The following MCPH1 variants were observed in gnomAD, a reference collection of about 807,000 sequenced individuals.
The protein encoded by MCPH1 is microcephalin.
MCPH1 carries 104 observed loss-of-function variants against 84.5 expected under a neutral mutation model. The ratio of observed to expected loss-of-function variants is 1.23; its 90% CI spans 1.05 to 1.45. The LOEUF (loss-of-function observed/expected upper bound fraction) is 1.45, where lower values mean the gene tolerates loss of function less well. Ranked by LOEUF, MCPH1 falls within the 40% of genes most tolerant of loss-of-function variation. The probability of loss-of-function intolerance (pLI) is 0.00; values close to 1 mark genes in which losing one functional copy is unlikely to be tolerated. For missense variants in MCPH1, 1,498 were observed against 1,005.7 expected, an observed-to-expected ratio of 1.49 and a Z score of -6.62; for synonymous variants, 514 against 366.8, an observed-to-expected ratio of 1.40 and a Z score of -4.58.
chr8:6,511,965 A>T (rs1463601746), intron 12 of MCPH1, among the ~76,000 whole-genome samples: 1 of 151,112 alleles, frequency 6.6e-6, no homozygotes, highest in African/African-American at 2.4e-5. Flanking sequence ...AAAATATTTA[A>T]CTTGGAGGTA....
intron 12 of MCPH1, among the ~76,000 whole-genome samples, chr8:6,547,810 G>A (rs1055861088): frequency 1.3e-5 from 2 of 152,112 alleles, no homozygotes; most frequent in African/African-American, 2.4e-5. Flanking sequence ...GGGGAGCACC[G>A]GAAGAAGGGA....
intron 3 of MCPH1, among the ~76,000 whole-genome samples, chr8:6,420,990 G>C (rs1306240435): frequency 1.3e-5 from 2 of 152,180 alleles, no homozygotes; most frequent in East Asian, 3.9e-4. Flanking sequence ...CGGGCATGGA[G>C]GTCTAATTTG....
At chr8:6,607,203 C>T (rs62496920) in intron 12 of MCPH1, among the ~76,000 whole-genome samples, 30,865 of 152,056 alleles carry the variant, frequency 0.2, 3,755 homozygotes, top group Non-Finnish European at 0.27. Flanking sequence ...TTTCCCAATA[C>T]TTGGAGGAAA....
chr8:6,448,274 T>A (rs1804676042), intron 8 of MCPH1, among the ~76,000 whole-genome samples: 1 of 152,190 alleles, frequency 6.6e-6, no homozygotes, highest in South Asian at 2.1e-4. Flanking sequence ...TGTGACTCTG[T>A]CAAAATCCAT....
At chr8:6,410,040 G>T (rs1272968336) in intron 2 of MCPH1, among the ~76,000 whole-genome samples, 2 of 151,972 alleles carry the variant, frequency 1.3e-5, no homozygotes, top group African/African-American at 4.8e-5. Context: ...CGCGATCTCA[G>T]CTCACTGCAA....
At chr8:6,419,178 CACACACACACGCA>C (rs1799790058) in intron 3 of MCPH1, among the ~76,000 whole-genome samples, 2 of 29,138 alleles carry the variant, frequency 6.9e-5, no homozygotes, top group Admixed American at 1.6e-3. Context: ...CACACACACA[CACACACACACGCA>C]TTTTTACCCC....
chr8:6,455,022 A>G (rs1805521486), intron 8 of MCPH1, 121 bp from the exon 9 acceptor site: 5 of 767,232 alleles, frequency 6.5e-6, no homozygotes, highest in East Asian at 2.5e-5. Flanking sequence ...GATATATACA[A>G]TTTATTTAAA....
intron 12 of MCPH1, 69 bp downstream of exon 12, chr8:6,499,998 G>A (rs1811838561): frequency 7.3e-7 from 1 of 1,369,442 alleles, no homozygotes. Flanking sequence ...ATAAACATAA[G>A]GGTGGACTTA....
At chr8:6,514,621 G>C in intron 12 of MCPH1, 2 of 1,489,640 alleles carry the variant, frequency 1.3e-6, no homozygotes, top group Non-Finnish European at 9.4e-7. Context: ...CGCAGATCTT[G>C]AAAGCTATTT....
Position 6,523,363 on chromosome 8 carries a change from A to G in MCPH1, c.2214+23434A>G, listed in dbSNP as rs545125287. Among the ~76,000 whole-genome samples the G allele has an allele frequency of 2.0e-4, 30 of 152,298 alleles. No individual in the cohort carries two copies. The South Asian group carries it at 3.7e-3, about 19-fold the overall frequency. ...TGCCATGTAAGTCCTAAGATACTTTATTAATGGTTATATAGTTTGCCTTCC... is the reference window on the plus strand; with the variant it reads ...TGCCATGTAAGTCCTAAGATACTTTGTTAATGGTTATATAGTTTGCCTTCC... On this transcript the variant is annotated intron_variant, in intron 12 of 13. Transcript: ENST00000344683.
intron 13 of MCPH1, 70 bp downstream of exon 13, chr8:6,621,761 G>C: frequency 1.9e-6 from 3 of 1,606,492 alleles, no homozygotes; most frequent in Middle Eastern, 1.7e-4. Context: ...GGAGGGCGGC[G>C]TCAGGCTCAC....
rs572406812 is a variant in MCPH1 at position 6,606,914 on chromosome 8, C to T, written c.2215-14540C>T. ...CCATGTGAGATGTGCCTTTCACCTT[C>T]CACTATGAGTGTGAGGCCTCCCCAG... is the stretch of plus-strand genomic sequence containing the variant. On this transcript the variant is annotated intron_variant, in intron 12 of 13. Transcript: ENST00000344683. Among the ~76,000 whole-genome samples the T allele has an allele frequency of 1.9e-3, 289 of 152,362 alleles. 3 individuals are homozygous for T. Among genetic ancestry groups the T allele is most frequent in the Admixed American group, 6.5e-4 (10 of 15,298 alleles).
At chr8:6,595,303 G>T (rs936681773) in intron 12 of MCPH1, among the ~76,000 whole-genome samples, 1 of 152,184 alleles carries the variant, frequency 6.6e-6, no homozygotes, top group Non-Finnish European at 1.5e-5. Context: ...AGCAAATAGG[G>T]TATGTACTGT....
At chr8:6,433,192 T>G (rs1243909102) in intron 4 of MCPH1, among the ~76,000 whole-genome samples, 1 of 152,218 alleles carries the variant, frequency 6.6e-6, no homozygotes, top group Admixed American at 6.5e-5. Flanking sequence ...TTCATGTACT[T>G]TTAGTCACTG....
intron 12 of MCPH1, among the ~76,000 whole-genome samples, chr8:6,598,546 C>T (rs546222354): frequency 6.6e-6 from 1 of 152,340 alleles, no homozygotes; most frequent in Non-Finnish European, 1.5e-5. Flanking sequence ...GAGGCACACA[C>T]CAGAACAGCT....
chr8:6,508,905 A>G (rs200248525), intron 12 of MCPH1: 16 of 1,613,808 alleles, frequency 9.9e-6, no homozygotes, highest in East Asian at 2.2e-5. Context: ...TGCCAATACA[A>G]ATAGGAAGAC....
chr8:6,481,566 C>T (rs1563268233), intron 11 of MCPH1, among the ~76,000 whole-genome samples: 2 of 152,166 alleles, frequency 1.3e-5, no homozygotes, highest in Non-Finnish European at 2.9e-5. Context: ...CGTCTTCCCT[C>T]CTCCTCTCCC....
At chr8:6,588,609 T>C (rs146859084) in intron 12 of MCPH1, among the ~76,000 whole-genome samples, 5 of 152,368 alleles carry the variant, frequency 3.3e-5, no homozygotes, top group South Asian at 4.1e-4. Context: ...TGTGAACGCA[T>C]TGAACTGTTA....
chr8:6,634,864 G>A (rs1217869009), intron 13 of MCPH1: 2 of 152,214 alleles, frequency 1.3e-5, no homozygotes, highest in East Asian at 3.8e-4. Flanking sequence ...TCAATGAAAA[G>A]TAAATATAAA....
Sources: gnomAD v4.1 joint callset for allele counts (sites outside exome capture counted in the v4.1 genomes callset) on GRCh38, gnomAD v4.1.1 for gene constraint, MANE v1.5 for transcripts, NCBI Gene and HGNC (gene_info 2026-07-23, HGNC 2026-07-21) for gene names.